Variants in SLC32A1 observed in about 807,000 individuals in gnomAD.
SLC32A1 encodes the protein solute carrier family 32 member 1, also known as vesicular inhibitory amino acid transporter.
In SLC32A1, 8 loss-of-function variants were observed where a neutral mutation model predicts 35.5. That is an observed-to-expected ratio of 0.23 (90% confidence interval 0.13 to 0.41). The LOEUF is 0.41. SLC32A1 is among the 10% of genes least tolerant of loss of function. SLC32A1 has a pLI of 1.00. For missense variants in SLC32A1, 493 were observed against 722.3 expected, an observed-to-expected ratio of 0.68 and a Z score of 3.64; for synonymous variants, 317 against 326.3, an observed-to-expected ratio of 0.97 and a Z score of 0.31.
At position 38,727,734 on chromosome 20, in the gene SLC32A1, A is replaced by G. The variant is rs1420501445; in HGVS notation, c.673A>G (p.Ser225Gly). Residue 225 changes from serine to glycine, a missense_variant, in exon 2 of 2, where the codon AGT (serine) becomes GGT (glycine). Ser to Gly is a moderately conservative substitution (Grantham distance 56, BLOSUM62 0). This residue lies in a region of SLC32A1 where 269 missense variants were observed against 445.6 expected (regional missense o/e 0.60). Transcript: ENST00000217420. ...GACGTGCATCCTGTACGTGGTGGTG[A>G]GTGGCAACCTCATGTACAACAGCTT... ...VMTCILYVVVSGNLMYNSFPG... is the reference protein window; with the variant it reads ...VMTCILYVVVGGNLMYNSFPG... 2 of 1,614,070 alleles carry G rather than the reference A, an allele frequency of 1.2e-6. No individual in the cohort carries two copies. Among genetic ancestry groups the G allele is most frequent in the Non-Finnish European group, 1.7e-6 (2 of 1,180,052 alleles).
At position 38,726,465 on chromosome 20, in the gene SLC32A1, T is replaced by A. The variant is rs186445285; in HGVS notation, c.391-987T>A. On this transcript the variant is annotated intron_variant, in intron 1 of 1. Coordinates refer to ENST00000217420, the MANE Select transcript of SLC32A1 (RefSeq NM_080552.3). This position sits in a 1 kb window ranked among gnomAD's most constrained non-coding sequence, Gnocchi z 4.7. ...GGGCGTCTTTCAAGGCTCCGTTTGA[T>A]AGGCCCCAAGGGAGGCCAGGGCAGG... 6.6e-6 allele frequency among the ~76,000 whole-genome samples: 1 copy of A among 152,258 alleles called. No homozygotes were observed. The highest frequency in any genetic ancestry group is 1.9e-4 in the East Asian group (1 of 5,162).
In SLC32A1 at chr20:38,728,042, G is replaced by A. The variant is rs138060520; in HGVS notation, c.981G>A (p.Glu327=). The A allele has an allele frequency of 3.7e-6, 6 of 1,614,042 alleles. No homozygotes were observed. The African/African-American group carries it at 6.7e-5, about 18-fold the overall frequency. Reference sequence around the variant, plus strand: ...CTCAGATCTTCCTGCCTTCGCTGGAGGGCAATATGCAGCAGCCCAGCGAGT... The same window carrying A: ...CTCAGATCTTCCTGCCTTCGCTGGAAGGCAATATGCAGCAGCCCAGCGAGT... ...YTSQIFLPSL[E]GNMQQPSEFH... is the part of the protein sequence containing the mutation. Residue 327 remains glutamate, a synonymous_variant, in exon 2 of 2, where the codon GAG becomes GAA. Coordinates refer to ENST00000217420, the MANE Select transcript of SLC32A1 (RefSeq NM_080552.3).
At chr20:38,725,688 G>C (rs71351577) in intron 1 of SLC32A1, among the ~76,000 whole-genome samples, 1 of 152,122 alleles carries the variant, frequency 6.6e-6, no homozygotes. Flanking sequence ...ATGCACCTGC[G>C]TACACCCCTA....
At position 38,727,772 on chromosome 20, in the gene SLC32A1, C is replaced by T. The variant is rs770350121; in HGVS notation, c.711C>T (p.Pro237=). Residue 237 remains proline, a synonymous_variant, in exon 2 of 2, where the codon CCC becomes CCT. Transcript: ENST00000217420. The part of the protein sequence containing the change: ...NLMYNSFPGL[P]VSQKSWSIIA... Reference sequence around the variant, plus strand: ...TGTACAACAGCTTCCCGGGGCTGCCCGTGTCGCAGAAGTCCTGGTCCATTA... The same window carrying T: ...TGTACAACAGCTTCCCGGGGCTGCCTGTGTCGCAGAAGTCCTGGTCCATTA... 4 of 1,614,200 alleles carry T rather than the reference C, an allele frequency of 2.5e-6. No individual in the cohort carries two copies. The highest frequency in any genetic ancestry group is 1.1e-5 in the South Asian group (1 of 91,082).
In SLC32A1 at chr20:38,728,755, T is replaced by A; in HGVS notation, c.*116T>A. ...CTTGGGAGGCCAAGCTTTAAACATC[T>A]CTGGTTCCTAGTTTCTGATTATTCG... On this transcript the variant is annotated 3_prime_UTR_variant, in exon 2 of 2. Coordinates refer to ENST00000217420, the MANE Select transcript of SLC32A1 (RefSeq NM_080552.3). The A allele has an allele frequency of 1.8e-6, 1 of 550,878 alleles. No individual in the cohort carries two copies. Among genetic ancestry groups the A allele is most frequent in the Non-Finnish European group, 2.9e-6 (1 of 342,326 alleles). The allele number at this position is 550,878 out of a possible 1,614,324, so 34.1% of individuals were successfully genotyped here.
chr20:38,728,697 G>T lies in SLC32A1; in HGVS notation c.*58G>T, dbSNP rs1601183144. 2 of 1,338,394 alleles carry T rather than the reference G, an allele frequency of 1.5e-6. No individual in the cohort carries two copies. The highest frequency in any genetic ancestry group is 6.7e-5 in the East Asian group (2 of 29,690). 82.9% of individuals were successfully genotyped at this position (1,338,394 alleles called of 1,614,324 possible). On this transcript the variant is annotated 3_prime_UTR_variant, in exon 2 of 2. Transcript: ENST00000217420. Reference sequence around the variant, plus strand: ...GCTCTCTCCCTTCTCCCCTCACCCCGCCCCCACCAGCCCAGTGCGCCCTGC... The same window carrying T: ...GCTCTCTCCCTTCTCCCCTCACCCCTCCCCCACCAGCCCAGTGCGCCCTGC...
rs746521205 is a variant in SLC32A1 at position 38,728,223 on chromosome 20, G to A, written c.1162G>A (p.Ala388Thr). The A allele has an allele frequency of 3.7e-6, 6 of 1,614,186 alleles. No homozygotes were observed. In the East Asian group the frequency reaches 6.7e-5, roughly 18 times the overall value. ...CGCCGTGGTCAACATCTTTCTGGTG[G>A]CCAAGGCGCTGTTGTCCTATCCTCT... is the stretch of plus-strand genomic sequence containing the variant. ...IRAVVNIFLVAKALLSYPLPF... is the reference protein window; with the variant it reads ...IRAVVNIFLVTKALLSYPLPF... Residue 388 changes from alanine (A) to threonine (T), a missense_variant, in exon 2 of 2, where the codon GCC becomes ACC. Physicochemically the swap from Ala to Thr is moderately conservative, Grantham distance 58. Transcript: ENST00000217420.
chr20:38,728,900 G>A lies in SLC32A1; in HGVS notation c.*261G>A, dbSNP rs552892990. The stretch of plus-strand genomic sequence containing the variant: ...GAGGCGGGGTGCATTTGCGGGCAGG[G>A]TTCTCTGTCCTTCCAAGTGGGGCCC... On this transcript the variant is annotated 3_prime_UTR_variant, in exon 2 of 2. Coordinates refer to ENST00000217420, the MANE Select transcript of SLC32A1 (RefSeq NM_080552.3). The A allele has an allele frequency of 1.1e-5, 5 of 474,816 alleles. No homozygotes were observed. The highest frequency in any genetic ancestry group is 9.8e-5 in the African/African-American group (5 of 50,796). 29.4% of individuals were successfully genotyped at this position (474,816 alleles called of 1,614,324 possible). A position where few individuals can be genotyped will look rare whatever the true frequency, so the allele number is the denominator to read the frequency against.
In SLC32A1 at chr20:38,729,356, A is replaced by G. The variant is rs1321873137; in HGVS notation, c.*717A>G. The G allele has an allele frequency of 1.3e-5, 2 of 152,552 alleles. No homozygotes were observed. Among genetic ancestry groups the G allele is most frequent in the Non-Finnish European group, 2.9e-5 (2 of 68,042 alleles). The allele number at this position is 152,552 out of a possible 1,614,324, so 9.4% of individuals were successfully genotyped here. A position where few individuals can be genotyped will look rare whatever the true frequency, so the allele number is the denominator to read the frequency against. ...CGGTACATAATTATATCCGCAAATA[A>G]AGAAGAGACAAAGGCTTGCGCGGCC... On this transcript the variant is annotated 3_prime_UTR_variant, in exon 2 of 2. Transcript: ENST00000217420.
rs2084282579 is a variant in SLC32A1, at chr20:38,727,683, G to A, written c.622G>A (p.Val208Ile). The change falls in exon 2 of 2, where the codon GTA (valine) becomes ATA (isoleucine). Residue 208 changes from valine to isoleucine, a missense_variant. Val to Ile is a conservative substitution (Grantham distance 29). Coordinates refer to ENST00000217420, the MANE Select transcript of SLC32A1 (RefSeq NM_080552.3). Reference protein sequence around the residue: ...FPTLGGRVVNVAQIIELVMTC... With the variant: ...FPTLGGRVVNIAQIIELVMTC... ...AACGCTGGGCGGCCGAGTGGTGAAC[G>A]TAGCGCAGATCATCGAGCTGGTGAT... 6.2e-7 allele frequency: 1 copy of A among 1,614,114 alleles called. No individual in the cohort carries two copies.
chr20:38,727,374 T>A, intron 1 of SLC32A1, 78 bp from the exon 2 acceptor site: 1 of 1,402,978 alleles, frequency 7.1e-7, no homozygotes, highest in Non-Finnish European at 9.8e-7. Flanking sequence ...GCCACAGCGT[T>A]AAGCCACGCC....
chr20:38,727,753 A>G lies in SLC32A1; in HGVS notation c.692A>G (p.Asn231Ser). The G allele has an allele frequency of 1.2e-6, 2 of 1,614,184 alleles. No homozygotes were observed. The highest frequency in any genetic ancestry group is 1.7e-6 in the Non-Finnish European group (2 of 1,180,036). Residue 231 changes from asparagine (N) to serine (S), a missense_variant, in exon 2 of 2, where the codon AAC becomes AGC. This residue lies in a region of SLC32A1 where 269 missense variants were observed against 445.6 expected (regional missense o/e 0.60). Coordinates refer to ENST00000217420, the MANE Select transcript of SLC32A1 (RefSeq NM_080552.3). The stretch of plus-strand genomic sequence containing the variant: ...GTGGTGAGTGGCAACCTCATGTACA[A>G]CAGCTTCCCGGGGCTGCCCGTGTCG... ...YVVVSGNLMY[N>S]SFPGLPVSQK...
chr20:38,727,585 A>G lies in SLC32A1; in HGVS notation c.524A>G (p.Glu175Gly). ...ILIACLYEEN[E>G]DGEVVRVRDS... ...ATCGCGTGCCTGTACGAGGAGAATG[A>G]AGACGGCGAGGTGGTGCGCGTGCGG... Residue 175 changes from glutamate to glycine, a missense_variant, in exon 2 of 2, where the codon GAA (glutamate) becomes GGA (glycine). Physicochemically the swap from Glu to Gly is moderately conservative, Grantham distance 98 (BLOSUM62 -2). Coordinates refer to ENST00000217420, the MANE Select transcript of SLC32A1 (RefSeq NM_080552.3). The G allele has an allele frequency of 1.2e-6, 2 of 1,611,820 alleles. No homozygotes were observed. Among genetic ancestry groups the G allele is most frequent in the African/African-American group, 1.3e-5 (1 of 75,070 alleles).
At position 38,726,326 on chromosome 20, in the gene SLC32A1, G is replaced by A. The variant is rs1375973237; in HGVS notation, c.391-1126G>A. On this transcript the variant is annotated intron_variant, in intron 1 of 1. Transcript: ENST00000217420. The surrounding 1 kb of genome is among the most constrained non-coding windows in gnomAD (Gnocchi z 4.7). ...GGTAAGCAGGACTCCACCGGGCCCCGAACACCAGATGGCCCGACCCAAGGC... is the reference window on the plus strand; with the variant it reads ...GGTAAGCAGGACTCCACCGGGCCCCAAACACCAGATGGCCCGACCCAAGGC... 1.3e-5 allele frequency among the ~76,000 whole-genome samples: 2 copies of A among 152,060 alleles called. No individual in the cohort carries two copies. Among genetic ancestry groups the A allele is most frequent in the Admixed American group, 6.5e-5 (1 of 15,278 alleles).
rs1236966151 is a variant in SLC32A1 at position 38,727,794 on chromosome 20, A to C, written c.733A>C (p.Ile245Leu). Residue 245 changes from isoleucine to leucine, a missense_variant, in exon 2 of 2, where the codon ATT becomes CTT. Physicochemically the swap from Ile to Leu is conservative, Grantham distance 5. Transcript: ENST00000217420. ...GLPVSQKSWS[I>L]IATAVLLPCA... ...GCCCGTGTCGCAGAAGTCCTGGTCC[A>C]TTATCGCCACGGCCGTGCTGCTGCC... 3 of 1,614,030 alleles carry C rather than the reference A, an allele frequency of 1.9e-6. No homozygotes were observed. In the African/African-American group the frequency reaches 4.0e-5, roughly 22 times the overall value.
Position 38,725,005 on chromosome 20 carries a change from C to G in SLC32A1, c.281C>G (p.Pro94Arg). The change falls in exon 1 of 2, where the codon CCG (proline) becomes CGG (arginine). Residue 94 changes from proline to arginine, a missense_variant. Coordinates refer to ENST00000217420, the MANE Select transcript of SLC32A1 (RefSeq NM_080552.3). The stretch of plus-strand genomic sequence containing the variant: ...CAGCGAGGCAGCGGAGCTCCTCTGC[C>G]GCCCTCCGGCTCCAAGGACCAGGTG... ...HYQRGSGAPL[P>R]PSGSKDQVGG... is the part of the protein sequence containing the mutation. 6.4e-7 allele frequency: 1 copy of G among 1,573,456 alleles called. No homozygotes were observed. Among genetic ancestry groups the G allele is most frequent in the Non-Finnish European group, 8.6e-7 (1 of 1,160,264 alleles).
Position 38,727,674 on chromosome 20 carries a change from G to C in SLC32A1, c.613G>C (p.Val205Leu). ...GCGCTTCCCAACGCTGGGCGGCCGA[G>C]TGGTGAACGTAGCGCAGATCATCGA... ...APRFPTLGGR[V>L]VNVAQIIELV... The change falls in exon 2 of 2, where the codon GTG becomes CTG. Residue 205 changes from valine to leucine, a missense_variant. Physicochemically the swap from Val to Leu is conservative, Grantham distance 32. This residue lies in a region of SLC32A1 where 269 missense variants were observed against 445.6 expected (regional missense o/e 0.60). Transcript: ENST00000217420. 6.2e-7 allele frequency: 1 copy of C among 1,614,196 alleles called. No individual in the cohort carries two copies. The highest frequency in any genetic ancestry group is 8.5e-7 in the Non-Finnish European group (1 of 1,180,040).
chr20:38,724,866 G>A lies in SLC32A1; in HGVS notation c.142G>A (p.Asp48Asn). 1 of 1,613,966 alleles carries A rather than the reference G, an allele frequency of 6.2e-7. No homozygotes were observed. Among genetic ancestry groups the A allele is most frequent in the Non-Finnish European group, 8.5e-7 (1 of 1,179,998 alleles). Reference protein sequence around the residue: ...DEEAVGFAHCDDLDFEHRQGL... With the variant: ...DEEAVGFAHCNDLDFEHRQGL... ...GGAGGCGGTGGGCTTCGCGCATTGCGACGACCTCGACTTTGAGCACCGCCA... is the reference window on the plus strand; with the variant it reads ...GGAGGCGGTGGGCTTCGCGCATTGCAACGACCTCGACTTTGAGCACCGCCA... The change falls in exon 1 of 2, where the codon GAC (aspartate) becomes AAC (asparagine). Residue 48 changes from aspartate (D) to asparagine (N), a missense_variant. Physicochemically the swap from Asp to Asn is conservative, Grantham distance 23. This residue lies in a region of SLC32A1 where 133 missense variants were observed against 145.9 expected (regional missense o/e 0.91). Transcript: ENST00000217420.
rs1189773827 is a variant in SLC32A1 at position 38,727,464 on chromosome 20, C to G, written c.403C>G (p.Leu135Val). 1.2e-5 allele frequency: 20 copies of G among 1,608,006 alleles called. No individual in the cohort carries two copies. Among genetic ancestry groups the G allele is most frequent in the African/African-American group, 1.3e-5 (1 of 74,934 alleles). Residue 135 changes from leucine (L) to valine (V), a missense_variant, in exon 2 of 2, where the codon CTG becomes GTG. This residue lies in a region of SLC32A1 where 45 missense variants were observed against 91.1 expected (regional missense o/e 0.49). Transcript: ENST00000217420. The part of the protein sequence containing the change: ...VTNAIQGMFV[L>V]GLPYAILHGG... ...CTCCGCCCCACAGGGCATGTTCGTG[C>G]TGGGCCTACCCTACGCCATCCTGCA...
Sources: gnomAD v4.1 joint callset for allele counts (sites outside exome capture counted in the v4.1 genomes callset) on GRCh38, gnomAD v4.1.1 for gene constraint, gnomAD v4.1.1 regional missense constraint, Gnocchi (gnomAD v3.1) non-coding constraint, MANE v1.5 for transcripts, NCBI Gene and HGNC (gene_info 2026-07-23, HGNC 2026-07-21) for gene names.